WWOX: variants seen among roughly 807,000 people sequenced by gnomAD.
WWOX encodes WW domain-containing oxidoreductase.
Under a neutral mutation model 46.2 loss-of-function variants are expected in WWOX, and 69 were observed. The ratio of observed to expected loss-of-function variants is 1.49; its 90% CI spans 1.23 to 1.82. The LOEUF is 1.82. WWOX is among the 40% of genes most tolerant of loss of function. The pLI is 0.00. For synonymous variants in WWOX, 359 were observed against 202.6 expected (o/e 1.77, Z -6.56); for missense variants, 919 against 542.6 (o/e 1.69, Z -6.89).
At chr16:78,536,095 A>T (rs1305746165) in intron 8 of WWOX, among the ~76,000 whole-genome samples, 1 of 152,148 alleles carries the variant, frequency 6.6e-6, no homozygotes. Flanking sequence ...GGGGCCTTGT[A>T]TACAGTAAGC....
intron 5 of WWOX, among the ~76,000 whole-genome samples, chr16:78,268,546 A>G (rs542268907): frequency 6.6e-6 from 1 of 152,176 alleles, no homozygotes; most frequent in Admixed American, 6.5e-5. Flanking sequence ...ATAGGTTGCA[A>G]GTGGGTAGAG....
intron 5 of WWOX, among the ~76,000 whole-genome samples, chr16:78,201,299 G>T (rs1190378618): frequency 6.6e-6 from 1 of 152,190 alleles, no homozygotes; most frequent in Non-Finnish European, 1.5e-5. Flanking sequence ...TGTGGGGAAT[G>T]TGGAAAGGCT....
At chr16:78,982,313 T>A (rs527494919) in intron 8 of WWOX, among the ~76,000 whole-genome samples, 2 of 152,280 alleles carry the variant, frequency 1.3e-5, no homozygotes, top group African/African-American at 4.8e-5. Flanking sequence ...TGAGCAATCA[T>A]CTGGGGAAAA....
chr16:78,918,417 G>C (rs1356995010), intron 8 of WWOX, among the ~76,000 whole-genome samples: 1 of 151,918 alleles, frequency 6.6e-6, no homozygotes, highest in Non-Finnish European at 1.5e-5. Flanking sequence ...CCTAGGTCGT[G>C]TCCTATCCCT....
intron 4 of WWOX, among the ~76,000 whole-genome samples, chr16:78,151,762 C>T (rs537724015): frequency 6.6e-6 from 1 of 152,318 alleles, no homozygotes; most frequent in East Asian, 1.9e-4. Context: ...GTAGCGTCGA[C>T]ATTATGAAAT....
chr16:79,156,300 C>G (rs145265946), intron 8 of WWOX, among the ~76,000 whole-genome samples: 1 of 152,058 alleles, frequency 6.6e-6, no homozygotes, highest in Non-Finnish European at 1.5e-5. Context: ...TAGCTAAGAC[C>G]CAGGTGCGCA....
intron 8 of WWOX, among the ~76,000 whole-genome samples, chr16:78,973,730 G>C (rs2046517064): frequency 6.6e-6 from 1 of 152,142 alleles, no homozygotes; most frequent in Admixed American, 6.5e-5. Context: ...TTTGTTCCCA[G>C]AGAAAAAGTA....
chr16:78,366,651 G>A (rs72794100), intron 5 of WWOX, among the ~76,000 whole-genome samples: 8,118 of 152,244 alleles, frequency 0.053, 286 homozygotes, highest in East Asian at 0.12. Context: ...TATCTCGTCT[G>A]TTGCCACTTT....
At chr16:78,360,714 C>G (rs2081390866) in intron 5 of WWOX, among the ~76,000 whole-genome samples, 2 of 110,432 alleles carry the variant, frequency 1.8e-5, no homozygotes, top group African/African-American at 3.1e-5. Flanking sequence ...TAAATATTAA[C>G]TATACTTGTT....
At chr16:79,199,680 A>T (rs2051309141) in intron 8 of WWOX, among the ~76,000 whole-genome samples, 1 of 152,140 alleles carries the variant, frequency 6.6e-6, no homozygotes, top group South Asian at 2.1e-4. Flanking sequence ...GGATTCATAC[A>T]TGAAGAGGAC....
chr16:78,668,876 C>T (rs113011441), intron 8 of WWOX, among the ~76,000 whole-genome samples: 6 of 152,280 alleles, frequency 3.9e-5, no homozygotes, highest in Middle Eastern at 3.4e-3. Context: ...TGATAACTCC[C>T]TGGCAGGTTC....
chr16:78,388,969 C>CAA lies in WWOX; in HGVS notation c.605+2037_605+2038dup, dbSNP rs71137896. Among the ~76,000 whole-genome samples the CAA allele has an allele frequency of 8.8e-3, 1,134 of 129,192 alleles. 9 individuals are homozygous for CAA. The highest frequency in any genetic ancestry group is 0.023 in the African/African-American group (734 of 31,640). The allele number at this position is 129,192 out of a possible 152,430, so 84.8% of individuals were successfully genotyped here. On this transcript the variant is annotated intron_variant, in intron 6 of 8. Coordinates refer to ENST00000566780, the MANE Select transcript of WWOX (RefSeq NM_016373.4). The stretch of plus-strand genomic sequence containing the variant: ...GGGTGACAAGAGCAAAACTCTGTCT[C>CAA]AAAAAAAAAAAAAAAAATTGACTCA...
At chr16:78,517,170 AGT>A (rs2043251968) in intron 8 of WWOX, among the ~76,000 whole-genome samples, 1 of 152,180 alleles carries the variant, frequency 6.6e-6, no homozygotes, top group South Asian at 2.1e-4. Context: ...ATTTTATAGG[AGT>A]GTGAATGATT....
At chr16:78,941,158 C>G (rs1476991107) in intron 8 of WWOX, among the ~76,000 whole-genome samples, 4 of 152,254 alleles carry the variant, frequency 2.6e-5, no homozygotes, top group South Asian at 4.1e-4. Flanking sequence ...ATATACTGAA[C>G]TGGTGCATGA....
chr16:78,498,821 C>G (rs1252848457), intron 8 of WWOX, among the ~76,000 whole-genome samples: 1 of 152,150 alleles, frequency 6.6e-6, no homozygotes, highest in Admixed American at 6.5e-5. Context: ...CTGCCTTGGC[C>G]TCCCAAAATG....
chr16:78,452,474 TC>T (rs376524717), intron 8 of WWOX, among the ~76,000 whole-genome samples: 6 of 138,822 alleles, frequency 4.3e-5, no homozygotes, highest in Admixed American at 2.1e-4. Context: ...TCTCTCTCTC[TC>T]TTTTTTTTTT....
intron 8 of WWOX, among the ~76,000 whole-genome samples, chr16:79,012,204 T>G (rs192095685): frequency 6.6e-6 from 1 of 152,306 alleles, no homozygotes; most frequent in Non-Finnish European, 1.5e-5. Flanking sequence ...CATCTGGCTG[T>G]GTGGCACTTG....
chr16:78,584,893 A>G (rs904652705), intron 8 of WWOX, among the ~76,000 whole-genome samples: 4 of 152,202 alleles, frequency 2.6e-5, no homozygotes, highest in Non-Finnish European at 5.9e-5. Context: ...ATTTGAGAGA[A>G]TTTCCCATTC....
At chr16:79,065,773 C>G (rs2048430042) in intron 8 of WWOX, among the ~76,000 whole-genome samples, 1 of 152,146 alleles carries the variant, frequency 6.6e-6, no homozygotes. Context: ...TAAATTCTTC[C>G]CAGTGTTACT....
Sources: gnomAD v4.1 joint callset for allele counts (sites outside exome capture counted in the v4.1 genomes callset) on GRCh38, gnomAD v4.1.1 for gene constraint, MANE v1.5 for transcripts, NCBI Gene and HGNC (gene_info 2026-07-23, HGNC 2026-07-21) for gene names.